Variants in SGCZ observed in about 807,000 individuals in gnomAD.
SGCZ encodes sarcoglycan zeta, also known as zeta-sarcoglycan.
A neutral mutation model predicts 41.3 loss-of-function variants in SGCZ; 40 were observed. That is an observed-to-expected ratio of 0.97 (90% CI 0.75 to 1.26). SGCZ has a LOEUF of 1.26. SGCZ is among the 50% of genes most tolerant of loss of function. The pLI, the probability that SGCZ is intolerant of heterozygous loss-of-function variation, is 0.00. For synonymous variants in SGCZ, 206 were observed against 137.5 expected, an observed-to-expected ratio of 1.50 and a Z score of -3.49; for missense variants, 552 against 369.8, an observed-to-expected ratio of 1.49 and a Z score of -4.04.
intron 2 of SGCZ, among the ~76,000 whole-genome samples, chr8:14,389,267 A>T (rs902257468): frequency 6.6e-6 from 1 of 151,942 alleles, no homozygotes. Context: ...AAAAGTTTCC[A>T]GTAAGAGTGT....
chr8:14,601,359 T>A (rs917075353), intron 1 of SGCZ, among the ~76,000 whole-genome samples: 2 of 152,156 alleles, frequency 1.3e-5, no homozygotes, highest in African/African-American at 4.8e-5. Context: ...AAGGTTTATA[T>A]CAAGAGAGTA....
chr8:14,720,357 TA>T (rs1563224336), intron 1 of SGCZ, among the ~76,000 whole-genome samples: 1 of 152,070 alleles, frequency 6.6e-6, no homozygotes, highest in Non-Finnish European at 1.5e-5. Context: ...AAATGATTTT[TA>T]AAAACAATAA....
At chr8:14,523,374 C>T (rs1355152318) in intron 2 of SGCZ, among the ~76,000 whole-genome samples, 1 of 151,950 alleles carries the variant, frequency 6.6e-6, no homozygotes, top group African/African-American at 2.4e-5. Context: ...TTCATTTTGT[C>T]CTCCATCTGA....
chr8:15,185,128 G>C (rs1233421275), intron 1 of SGCZ, among the ~76,000 whole-genome samples: 1 of 152,074 alleles, frequency 6.6e-6, no homozygotes, highest in East Asian at 1.9e-4. Context: ...TTTTAATTGG[G>C]AACTAGGTAA....
intron 1 of SGCZ, among the ~76,000 whole-genome samples, chr8:15,145,087 A>T (rs571598208): frequency 2.0e-5 from 3 of 152,208 alleles, no homozygotes; most frequent in Non-Finnish European, 4.4e-5. Context: ...CAGAGTCACA[A>T]GACATCCTTT....
intron 1 of SGCZ, among the ~76,000 whole-genome samples, chr8:14,923,539 T>C (rs1585382502): frequency 6.6e-6 from 1 of 152,080 alleles, no homozygotes. Context: ...AGGACACATA[T>C]ATTCATGGTG....
At chr8:14,862,749 C>A (rs914212832) in intron 1 of SGCZ, among the ~76,000 whole-genome samples, 2 of 151,662 alleles carry the variant, frequency 1.3e-5, no homozygotes, top group Non-Finnish European at 2.9e-5. Flanking sequence ...AGGCCTTTCT[C>A]ACATCTTTGT....
intron 1 of SGCZ, among the ~76,000 whole-genome samples, chr8:15,009,498 G>A (rs547028108): frequency 1.3e-5 from 2 of 152,278 alleles, no homozygotes; most frequent in African/African-American, 2.4e-5. Context: ...GGTTTAGACA[G>A]AGCCAGTTCA....
chr8:14,430,266 C>G (rs1259858917), intron 2 of SGCZ, among the ~76,000 whole-genome samples: 1 of 152,108 alleles, frequency 6.6e-6, no homozygotes, highest in Non-Finnish European at 1.5e-5. Flanking sequence ...AGACCACTAT[C>G]CCTAATGAAC....
At chr8:15,006,334 C>T (rs1430304799) in intron 1 of SGCZ, among the ~76,000 whole-genome samples, 2 of 152,144 alleles carry the variant, frequency 1.3e-5, no homozygotes, top group African/African-American at 4.8e-5. Flanking sequence ...TTGAGTGGCA[C>T]TCAAAAATCC....
At chr8:15,119,361 C>A (rs1455783547) in intron 1 of SGCZ, among the ~76,000 whole-genome samples, 1 of 151,760 alleles carries the variant, frequency 6.6e-6, no homozygotes, top group Non-Finnish European at 1.5e-5. Context: ...TGAAACCTGT[C>A]TCTACAGAAA....
chr8:14,765,140 C>G (rs1224011200), intron 1 of SGCZ, among the ~76,000 whole-genome samples: 1 of 152,138 alleles, frequency 6.6e-6, no homozygotes, highest in African/African-American at 2.4e-5. Context: ...GACAGCCACA[C>G]CCACAATCCC....
At chr8:15,001,245 C>T (rs899439988) in intron 1 of SGCZ, among the ~76,000 whole-genome samples, 3 of 152,204 alleles carry the variant, frequency 2.0e-5, no homozygotes, top group Admixed American at 6.5e-5. Context: ...TGTATCGTCA[C>T]ATTTCTGAGA....
intron 2 of SGCZ, among the ~76,000 whole-genome samples, chr8:14,542,385 AAAG>A (rs1026014937): frequency 1.5e-4 from 23 of 152,256 alleles, no homozygotes; most frequent in African/African-American, 1.4e-4. Context: ...ATTATGGAAT[AAAG>A]AAGAAGATGA....
intron 1 of SGCZ, among the ~76,000 whole-genome samples, chr8:15,224,704 T>C (rs556466359): frequency 6.6e-6 from 1 of 152,156 alleles, no homozygotes; most frequent in South Asian, 2.1e-4. Flanking sequence ...AATCTGAATA[T>C]ACAAAAAGGT....
Position 14,626,443 on chromosome 8 carries a change from A to G in SGCZ, c.40-71517T>C, listed in dbSNP as rs1489786478. Among the ~76,000 whole-genome samples the G allele has an allele frequency of 4.6e-5, 7 of 152,204 alleles. No individual in the cohort carries two copies. In the East Asian group the frequency reaches 7.7e-4, roughly 17 times the overall value. On this transcript the variant is annotated intron_variant, in intron 1 of 7. Transcript: ENST00000382080. ...CTTAGGTTTAATATTTGTTCTTTGAACAAATATTTGAACTTTGTCTCTTCT... is the reference window on the plus strand; with the variant it reads ...CTTAGGTTTAATATTTGTTCTTTGAGCAAATATTTGAACTTTGTCTCTTCT...
At chr8:15,153,764 G>A (rs548797340) in intron 1 of SGCZ, among the ~76,000 whole-genome samples, 23 of 152,220 alleles carry the variant, frequency 1.5e-4, no homozygotes, top group African/African-American at 5.3e-4. Flanking sequence ...AGAAGCAGAG[G>A]CTGGCACCAT....
Position 14,739,083 on chromosome 8 carries a change from T to C in SGCZ, c.40-184157A>G, listed in dbSNP as rs186957571. ...GATCTGTTCCCCTGAAAACATTTAATACCTATATGTTGTTAATTACTACTG... is the reference window on the plus strand; with the variant it reads ...GATCTGTTCCCCTGAAAACATTTAACACCTATATGTTGTTAATTACTACTG... On this transcript the variant is annotated intron_variant, in intron 1 of 7. Transcript: ENST00000382080. 1.7e-4 allele frequency among the ~76,000 whole-genome samples: 26 copies of C among 152,174 alleles called. No individual in the cohort carries two copies. In the East Asian group the frequency reaches 4.8e-3, roughly 28 times the overall value.
At chr8:14,779,368 C>A (rs1192632751) in intron 1 of SGCZ, among the ~76,000 whole-genome samples, 1 of 152,166 alleles carries the variant, frequency 6.6e-6, no homozygotes, top group Non-Finnish European at 1.5e-5. Context: ...AATTTTCCAG[C>A]ACTAATTTAT....
Sources: allele counts gnomAD v4.1 joint callset (sites outside exome capture counted in the v4.1 genomes callset), GRCh38; gene constraint gnomAD v4.1.1; transcripts MANE v1.5; gene names NCBI Gene and HGNC (gene_info 2026-07-23, HGNC 2026-07-21).